Variants in RPS7 observed in about 807,000 individuals in gnomAD.
RPS7 encodes the protein small ribosomal subunit protein eS7.
RPS7 carries 1 observed loss-of-function variant against 22.1 expected under a neutral mutation model. The observed-to-expected ratio is 0.05, with a 90% CI of 0.02 to 0.21. The LOEUF (loss-of-function observed/expected upper bound fraction) is 0.21. RPS7 is among the 10% of genes least tolerant of loss of function. The pLI is 1.00. For synonymous variants in RPS7, 80 were observed against 92.0 expected, an observed-to-expected ratio of 0.87 and a Z score of 0.74; for missense variants, 137 against 246.4, an observed-to-expected ratio of 0.56 and a Z score of 2.97.
chr2:3,579,832 T>C, intron 5 of RPS7: 1 of 542,228 alleles, frequency 1.8e-6, no homozygotes, highest in Non-Finnish European at 3.3e-6. Context: ...TCCCTAGAGA[T>C]GGTCACTCAT....
At chr2:3,579,173 A>G (rs566154622) in intron 5 of RPS7, 1 of 152,300 alleles carries the variant, frequency 6.6e-6, no homozygotes, top group Non-Finnish European at 1.5e-5. Context: ...TAATTTCCGT[A>G]TTTGGGTGCT....
At chr2:3,579,270 G>C (rs1661349465) in intron 5 of RPS7, 1 of 152,234 alleles carries the variant, frequency 6.6e-6, no homozygotes, top group Admixed American at 6.5e-5. Context: ...GGTGATGAGG[G>C]TTTTGGGAAA....
rs568154764 is a variant in RPS7, at chr2:3,576,046, C to T, written c.147+158C>T. 2.1e-4 allele frequency: 141 copies of T among 684,300 alleles called. 2 individuals are homozygous for T. The African/African-American group carries it at 2.2e-3, about 11-fold the overall frequency. 42.4% of individuals were successfully genotyped at this position (684,300 alleles called of 1,614,324 possible). On this transcript the variant is annotated intron_variant, in intron 3 of 6. Coordinates refer to ENST00000645674, the MANE Select transcript of RPS7 (RefSeq NM_001011.4). ...CGTGTTGTTTGGGAGTGATACCGCC[C>T]AGGTGCGGGGAGTGGGGTTGCAGGT...
intron 6 of RPS7, 28 bp downstream of exon 6, chr2:3,580,288 A>G (rs747503938): frequency 5.6e-6 from 9 of 1,608,936 alleles, no homozygotes; most frequent in Middle Eastern, 1.7e-4. Flanking sequence ...TATCATGGAA[A>G]GGTTCAGCCA....
intron 3 of RPS7, 88 bp from the exon 4 acceptor site, chr2:3,576,399 A>G: frequency 9.1e-7 from 1 of 1,103,698 alleles, no homozygotes; most frequent in Non-Finnish European, 1.4e-6. Flanking sequence ...CTACGGTGTT[A>G]GTGATAAGGT....
intron 4 of RPS7, chr2:3,577,057 C>G (rs566500832): frequency 7.5e-6 from 2 of 265,340 alleles, no homozygotes; most frequent in Non-Finnish European, 7.4e-6. Flanking sequence ...TGTTACAGGC[C>G]GGGCCCTGTG....
At chr2:3,579,955 T>G (rs1238763690) in intron 5 of RPS7, 155 bp from the exon 6 acceptor site, 1 of 749,936 alleles carries the variant, frequency 1.3e-6, no homozygotes, top group Non-Finnish European at 2.4e-6. Flanking sequence ...TTTAGTTTGG[T>G]ACGTGAAATA....
At position 3,575,274 on chromosome 2, in the gene RPS7, G is replaced by A. The variant is rs939109047; in HGVS notation, c.-95G>A. 7.5e-6 allele frequency: 3 copies of A among 397,698 alleles called. No individual in the cohort carries two copies. The highest frequency in any genetic ancestry group is 1.4e-5 in the Non-Finnish European group (3 of 218,598). 24.6% of individuals were successfully genotyped at this position (397,698 alleles called of 1,614,324 possible). ...CCGCCCTCCTCCTCGCGCTGTTTCC[G>A]CCTCTTGCCTTCGGACGCCGGATTT... On this transcript the variant is annotated 5_prime_UTR_variant, in exon 1 of 7. Coordinates refer to ENST00000645674, the MANE Select transcript of RPS7 (RefSeq NM_001011.4).
chr2:3,576,338 C>T (rs1558472301), intron 3 of RPS7, 149 bp from the exon 4 acceptor site: 4 of 769,588 alleles, frequency 5.2e-6, no homozygotes, highest in African/African-American at 5.2e-5. Flanking sequence ...AGAACATTTC[C>T]GAAGGATGCA....
chr2:3,578,035 G>T, intron 5 of RPS7: 1 of 484,632 alleles, frequency 2.1e-6, no homozygotes, highest in Admixed American at 3.8e-5. Flanking sequence ...GCACAGGATA[G>T]GAATGATGAG....
intron 3 of RPS7, 187 bp from the exon 4 acceptor site, chr2:3,576,300 A>G: frequency 1.5e-6 from 1 of 676,384 alleles, no homozygotes; most frequent in Middle Eastern, 4.0e-4. Flanking sequence ...TTCCTGGAAT[A>G]AGGAAATGTG....
At position 3,575,904 on chromosome 2, in the gene RPS7, C is replaced by G. The variant is rs912491105; in HGVS notation, c.147+16C>G. 6.3e-7 allele frequency: 1 copy of G among 1,589,520 alleles called. No homozygotes were observed. The highest frequency in any genetic ancestry group is 8.6e-7 in the Non-Finnish European group (1 of 1,163,748). On this transcript the variant is annotated intron_variant, in intron 3 of 6. Coordinates refer to ENST00000645674, the MANE Select transcript of RPS7 (RefSeq NM_001011.4). ...GGCAGCTAAGGTAAGCTGGCGCTCC[C>G]TCGGCTGGGAGGGAGGTTGCGGCGC...
chr2:3,580,726 C>T (rs1170948399), intron 6 of RPS7, 79 bp from the exon 7 acceptor site: 3 of 887,462 alleles, frequency 3.4e-6, no homozygotes, highest in Non-Finnish European at 3.8e-6. Context: ...CAATACAGGG[C>T]ACAATTTCAC....
At chr2:3,575,747 C>T (rs1661260785) in intron 2 of RPS7, 63 bp downstream of exon 2, 25 of 1,593,614 alleles carry the variant, frequency 1.6e-5, no homozygotes, top group African/African-American at 2.7e-5. Flanking sequence ...GGGAGGCGGC[C>T]GCGCGTGTGT....
rs191137872 is a variant in RPS7, at chr2:3,580,450, C to T, written c.507+190C>T. Reference sequence around the variant, plus strand: ...AAATGGAGATGTTTCAAGAATTGAACACTTGAAATTCTCTGTACCTTTTGG... The same window carrying T: ...AAATGGAGATGTTTCAAGAATTGAATACTTGAAATTCTCTGTACCTTTTGG... On this transcript the variant is annotated intron_variant, in intron 6 of 6. Transcript: ENST00000645674. The T allele has an allele frequency of 2.1e-3, 1,483 of 695,632 alleles. 4 individuals are homozygous for T. The highest frequency in any genetic ancestry group is 3.8e-3 in the South Asian group (242 of 63,442). The allele number at this position is 695,632 out of a possible 1,614,324, so 43.1% of individuals were successfully genotyped here. A position where few individuals can be genotyped will look rare whatever the true frequency, so the allele number is the denominator to read the frequency against.
At chr2:3,579,894 G>A in intron 5 of RPS7, 1 of 601,978 alleles carries the variant, frequency 1.7e-6, no homozygotes, top group Non-Finnish European at 2.9e-6. Context: ...AATTGACTGA[G>A]CTTTTGAAAT....
rs1235417381 is a variant in RPS7 at position 3,576,315 on chromosome 2, T to G, written c.148-172T>G. On this transcript the variant is annotated intron_variant, in intron 3 of 6. Coordinates refer to ENST00000645674, the MANE Select transcript of RPS7 (RefSeq NM_001011.4). ...TTCCTGGAATAAGGAAATGTGAAGG[T>G]TGGAGAGAGATGAGAACATTTCCGA... The G allele has an allele frequency of 4.2e-6, 3 of 707,092 alleles. No homozygotes were observed. In the African/African-American group the frequency reaches 5.3e-5, roughly 12 times the overall value. The allele number at this position is 707,092 out of a possible 1,614,324, so 43.8% of individuals were successfully genotyped here.
chr2:3,575,763 C>A (rs989822280), intron 2 of RPS7, 54 bp from the exon 3 acceptor site: 57 of 1,597,076 alleles, frequency 3.6e-5, no homozygotes, highest in Admixed American at 1.0e-4. Flanking sequence ...TGTGTTGGGC[C>A]CGGGGTGCTC....
Position 3,575,296 on chromosome 2 carries a change from A to C in RPS7, c.-73A>C. ...TCCGCCTCTTGCCTTCGGACGCCGGATTTTGACGTGCTCTCGCGAGATTTG... is the reference window on the plus strand; with the variant it reads ...TCCGCCTCTTGCCTTCGGACGCCGGCTTTTGACGTGCTCTCGCGAGATTTG... On this transcript the variant is annotated 5_prime_UTR_variant, in exon 1 of 7. Transcript: ENST00000645674. The C allele has an allele frequency of 2.3e-6, 1 of 430,874 alleles. No individual in the cohort carries two copies. The highest frequency in any genetic ancestry group is 4.2e-6 in the Non-Finnish European group (1 of 239,376). 26.7% of individuals were successfully genotyped at this position (430,874 alleles called of 1,614,324 possible).
Sources: allele counts gnomAD v4.1 joint callset, GRCh38; gene constraint gnomAD v4.1.1; transcripts MANE v1.5; gene names NCBI Gene and HGNC (gene_info 2026-07-23, HGNC 2026-07-21).